Variants in BLM observed in about 807,000 individuals in gnomAD.
BLM encodes the protein BLM RecQ like helicase.
Under a neutral mutation model 135.3 loss-of-function variants are expected in BLM, and 95 were observed. That is an observed-to-expected ratio of 0.70 (90% confidence interval 0.59 to 0.83). The LOEUF (loss-of-function observed/expected upper bound fraction) is 0.83. Ranked by LOEUF, BLM falls within the 40% of genes least tolerant of loss-of-function variation. BLM has a pLI of 0.00. For synonymous variants in BLM, 520 were observed against 589.2 expected (o/e 0.88, Z 1.70); for missense variants, 1,518 against 1,663.9 (o/e 0.91, Z 1.53).
At chr15:90,763,393 C>A (rs12442356) in intron 8 of BLM, among the ~76,000 whole-genome samples, 2 of 152,162 alleles carry the variant, frequency 1.3e-5, no homozygotes, top group African/African-American at 4.8e-5. Flanking sequence ...TTGAACTGAT[C>A]TAGAATTTTT....
At chr15:90,740,053 C>G (rs930517951) in intron 1 of BLM, among the ~76,000 whole-genome samples, 3 of 152,194 alleles carry the variant, frequency 2.0e-5, no homozygotes, top group African/African-American at 7.2e-5. Flanking sequence ...GCATGAGCTA[C>G]TGTGTCTGGC....
At chr15:90,747,263 A>AT in intron 1 of BLM, 126 bp from the exon 2 acceptor site, 1 of 459,622 alleles carries the variant, frequency 2.2e-6, no homozygotes, top group Non-Finnish European at 3.8e-6. Context: ...AAAAAAAAAA[A>AT]GTCCTATTAC....
intron 16 of BLM, among the ~76,000 whole-genome samples, chr15:90,796,527 C>T (rs1206214217): frequency 2.0e-5 from 3 of 152,228 alleles, no homozygotes; most frequent in Non-Finnish European, 4.4e-5. Context: ...TAGTCATCTT[C>T]CATGGCTGTG....
intron 12 of BLM, among the ~76,000 whole-genome samples, chr15:90,771,895 G>T (rs1896328328): frequency 1.3e-5 from 2 of 152,076 alleles, no homozygotes; most frequent in Admixed American, 1.3e-4. Context: ...TTATTTAGAG[G>T]CAGGCACCTT....
intron 15 of BLM, among the ~76,000 whole-genome samples, chr15:90,793,138 CTTT>C (rs572226744): frequency 7.0e-6 from 1 of 141,874 alleles, no homozygotes. Context: ...AAATTATTTT[CTTT>C]TTTTTTTTTT....
chr15:90,739,358 G>A (rs566420185), intron 1 of BLM, among the ~76,000 whole-genome samples: 35 of 152,134 alleles, frequency 2.3e-4, no homozygotes, highest in South Asian at 4.1e-4. Context: ...CTGAGATTGC[G>A]CCACTGCACC....
At chr15:90,769,333 A>G (rs1896231527) in intron 11 of BLM, 102 bp downstream of exon 11, 8 of 1,549,556 alleles carry the variant, frequency 5.2e-6, no homozygotes, top group South Asian at 3.4e-5. Flanking sequence ...CGAGTCTCCT[A>G]TTTTACTGAA....
rs374279601 is a variant in BLM, at chr15:90,769,418, G to A, written c.2407-20G>A. The A allele has an allele frequency of 2.2e-5, 35 of 1,613,762 alleles. No individual in the cohort carries two copies. The highest frequency in any genetic ancestry group is 2.9e-5 in the Non-Finnish European group (34 of 1,179,790). The stretch of plus-strand genomic sequence containing the variant: ...GAAGCTCCAAGTAGTCTGAAAAGCA[G>A]TATTTTTTTTTCCAACTAGTGGGGA... On this transcript the variant is annotated intron_variant, in intron 11 of 21. Transcript: ENST00000355112.
intron 6 of BLM, 108 bp from the exon 7 acceptor site, chr15:90,760,486 T>C (rs1354603190): frequency 2.3e-6 from 3 of 1,329,870 alleles, no homozygotes; most frequent in Non-Finnish European, 3.1e-6. Context: ...AAAAAGCGAA[T>C]ATATTTTGCT....
intron 1 of BLM, among the ~76,000 whole-genome samples, chr15:90,736,025 ATT>A (rs1482250153): frequency 6.6e-6 from 1 of 152,232 alleles, no homozygotes; most frequent in Non-Finnish European, 1.5e-5. Flanking sequence ...AAAATATTCA[ATT>A]TCACCTAAAC....
intron 1 of BLM, among the ~76,000 whole-genome samples, chr15:90,734,651 A>G (rs1895154307): frequency 1.3e-5 from 2 of 150,832 alleles, no homozygotes; most frequent in Admixed American, 6.7e-5. Context: ...TCACGCACAC[A>G]TACACACACA....
rs1567036793 is a variant in BLM, at chr15:90,751,942, C to T, written c.955C>T (p.Leu319Phe). The change falls in exon 4 of 22, where the codon CTT becomes TTT. Residue 319 changes from leucine to phenylalanine, a missense_variant. By Grantham distance (22) the Leu-to-Phe change is conservative. Around this residue, in one of 5 missense-constraint regions of BLM, gnomAD observed 724 missense variants for 756.9 expected, o/e 0.96. Transcript: ENST00000355112. Reference protein sequence around the residue: ...ISASSSSSKCLSTLKDLDTSD... With the variant: ...ISASSSSSKCFSTLKDLDTSD... ...TGCTTCTTCTTCCTCTTCAAAATGCCTTAGGTAAACTAGCTAAATAATTAG... is the reference window on the plus strand; with the variant it reads ...TGCTTCTTCTTCCTCTTCAAAATGCTTTAGGTAAACTAGCTAAATAATTAG... 1 of 1,608,156 alleles carries T rather than the reference C, an allele frequency of 6.2e-7. No individual in the cohort carries two copies. The highest frequency in any genetic ancestry group is 8.5e-7 in the Non-Finnish European group (1 of 1,175,162).
chr15:90,728,117 G>A (rs1894965514), intron 1 of BLM, among the ~76,000 whole-genome samples: 1 of 151,980 alleles, frequency 6.6e-6, no homozygotes, highest in Non-Finnish European at 1.5e-5. Flanking sequence ...GCTTACTGCA[G>A]CCTCAACCTC....
At chr15:90,788,478 T>TTTTTTTTTTTTTTTG (rs1567055111) in intron 14 of BLM, among the ~76,000 whole-genome samples, 1 of 120,588 alleles carries the variant, frequency 8.3e-6, no homozygotes, top group African/African-American at 3.0e-5. Context: ...TTTGTTTTTT[T>TTTTTTTTTTTTTTTG]TTTTTTTTTT....
intron 1 of BLM, among the ~76,000 whole-genome samples, chr15:90,746,918 G>A (rs1424650155): frequency 3.3e-5 from 5 of 152,074 alleles, no homozygotes; most frequent in Admixed American, 1.3e-4. Flanking sequence ...TCTCATTGGT[G>A]GTGGTGTTCC....
Position 90,801,953 on chromosome 15 carries a change from G to A in BLM, c.3359-1568G>A, listed in dbSNP as rs538259922. ...CACCTGTAGTGCCAGCTACTCCAGA[G>A]GCTGATGTGGGAGGATCACCTGCGC... On this transcript the variant is annotated intron_variant, in intron 17 of 21. Coordinates refer to ENST00000355112, the MANE Select transcript of BLM (RefSeq NM_000057.4). Among the ~76,000 whole-genome samples the A allele has an allele frequency of 5.9e-5, 9 of 152,266 alleles. No individual in the cohort carries two copies. In the East Asian group the frequency reaches 1.7e-3, roughly 29 times the overall value.
intron 5 of BLM, among the ~76,000 whole-genome samples, chr15:90,757,847 G>A (rs1895859739): frequency 6.6e-6 from 1 of 151,688 alleles, no homozygotes; most frequent in Non-Finnish European, 1.5e-5. Flanking sequence ...GGTGGCAAAG[G>A]CATCTGTTGT....
rs1241071332 is a variant in BLM, at chr15:90,722,549, C to T, written c.-5+5109C>T. Among the ~76,000 whole-genome samples the T allele has an allele frequency of 3.3e-5, 5 of 151,838 alleles. 1 individual carries two copies. The East Asian group carries it at 7.8e-4, about 24-fold the overall frequency. On this transcript the variant is annotated intron_variant, in intron 1 of 21. Coordinates refer to ENST00000355112, the MANE Select transcript of BLM (RefSeq NM_000057.4). Reference sequence around the variant, plus strand: ...TTGCAGTGAGCCTAGATCAGGATCACGCCATTGCACTCCAGCCTGGGCAAC... The same window carrying T: ...TTGCAGTGAGCCTAGATCAGGATCATGCCATTGCACTCCAGCCTGGGCAAC...
At chr15:90,782,740 G>A (rs923066629) in intron 12 of BLM, 82 bp from the exon 13 acceptor site, 18 of 1,066,902 alleles carry the variant, frequency 1.7e-5, no homozygotes, top group Non-Finnish European at 2.4e-5. Flanking sequence ...TAGGATTTTA[G>A]GGGGGACACA....
Sources: gnomAD v4.1 joint callset for allele counts (sites outside exome capture counted in the v4.1 genomes callset) on GRCh38, gnomAD v4.1.1 for gene constraint, gnomAD v4.1.1 regional missense constraint, MANE v1.5 for transcripts, NCBI Gene and HGNC (gene_info 2026-07-23, HGNC 2026-07-21) for gene names.